Variants in CTNND2 observed in about 807,000 individuals in gnomAD.
The protein encoded by CTNND2 is catenin delta-2.
Under a neutral mutation model 144.4 loss-of-function variants are expected in CTNND2, and 22 were observed. The observed-to-expected ratio is 0.15, with a 90% CI of 0.11 to 0.22. CTNND2 has a LOEUF of 0.22. Among genes scored for constraint, CTNND2 ranks in the 10% least tolerant of loss-of-function variants. The pLI is 1.00. For missense variants in CTNND2, 1,353 were observed against 1,618.8 expected (o/e 0.84, Z 2.82); for synonymous variants, 751 against 695.6 (o/e 1.08, Z -1.25).
At chr5:11,380,926 C>G (rs1244606475) in intron 7 of CTNND2, among the ~76,000 whole-genome samples, 1 of 152,192 alleles carries the variant, frequency 6.6e-6, no homozygotes, top group Admixed American at 6.5e-5. Context: ...TTGATTCTGA[C>G]AGATATCACC....
chr5:11,585,189 A>G (rs1455268441), intron 2 of CTNND2, among the ~76,000 whole-genome samples: 1 of 152,026 alleles, frequency 6.6e-6, no homozygotes, highest in Non-Finnish European at 1.5e-5. Context: ...ATCATATACC[A>G]TGCCATAGAA....
intron 2 of CTNND2, chr5:11,589,136 T>A: frequency 3.4e-6 from 2 of 586,764 alleles, no homozygotes; most frequent in Non-Finnish European, 4.3e-6. Context: ...AACAGTGAAT[T>A]TAGACCCCCA....
At chr5:11,686,961 T>C (rs560871317) in intron 2 of CTNND2, among the ~76,000 whole-genome samples, 29 of 151,774 alleles carry the variant, frequency 1.9e-4, no homozygotes, top group African/African-American at 6.8e-4. Context: ...GAAAATGGTA[T>C]TTTTCATTTC....
At chr5:11,203,845 T>C (rs1370175160) in intron 10 of CTNND2, among the ~76,000 whole-genome samples, 4 of 152,244 alleles carry the variant, frequency 2.6e-5, no homozygotes, top group African/African-American at 7.2e-5. Flanking sequence ...TTGAATTACA[T>C]ACGGGGAAAT....
intron 9 of CTNND2, among the ~76,000 whole-genome samples, chr5:11,270,559 T>C (rs996519682): frequency 1.3e-5 from 2 of 152,178 alleles, no homozygotes; most frequent in Non-Finnish European, 2.9e-5. Context: ...TCTGAATTAA[T>C]TTTTATTCAA....
intron 12 of CTNND2, among the ~76,000 whole-genome samples, chr5:11,127,645 C>T (rs1754813926): frequency 6.7e-6 from 1 of 149,528 alleles, no homozygotes; most frequent in Non-Finnish European, 1.5e-5. Flanking sequence ...TTCAATTCCC[C>T]CTTTTAGAAC....
intron 3 of CTNND2, among the ~76,000 whole-genome samples, chr5:11,428,685 T>C (rs947203160): frequency 3.9e-5 from 6 of 152,244 alleles, no homozygotes; most frequent in Admixed American, 6.5e-5. Flanking sequence ...GGATTTCCTC[T>C]TAATATTCTA....
intron 3 of CTNND2, among the ~76,000 whole-genome samples, chr5:11,463,167 C>A (rs1766368812): frequency 6.6e-6 from 1 of 152,164 alleles, no homozygotes; most frequent in African/African-American, 2.4e-5. Flanking sequence ...AATAAGCCTA[C>A]TTTTGGTATA....
intron 8 of CTNND2, among the ~76,000 whole-genome samples, chr5:11,356,447 G>A (rs1755889143): frequency 6.6e-6 from 1 of 151,722 alleles, no homozygotes; most frequent in Non-Finnish European, 1.5e-5. Context: ...TTACACTGGG[G>A]AAAAGATGGT....
At chr5:11,509,518 G>A (rs1771428839) in intron 3 of CTNND2, among the ~76,000 whole-genome samples, 1 of 152,166 alleles carries the variant, frequency 6.6e-6, no homozygotes, top group Admixed American at 6.5e-5. Context: ...GAGGGTTAAA[G>A]AGCGGATCAC....
chr5:11,210,872 C>T (rs1738556784), intron 10 of CTNND2, among the ~76,000 whole-genome samples: 1 of 152,118 alleles, frequency 6.6e-6, no homozygotes, highest in Non-Finnish European at 1.5e-5. Flanking sequence ...TGAGATGGGC[C>T]ATGGTCCCTG....
At chr5:11,404,725 C>A (rs2149827752) in intron 5 of CTNND2, among the ~76,000 whole-genome samples, 1 of 140,702 alleles carries the variant, frequency 7.1e-6, no homozygotes, top group East Asian at 2.4e-4. Flanking sequence ...TCAAGCGATT[C>A]TCCTGCCTCA....
intron 3 of CTNND2, among the ~76,000 whole-genome samples, chr5:11,518,182 T>A (rs150629953): frequency 2.3e-4 from 35 of 152,332 alleles, no homozygotes; most frequent in African/African-American, 8.4e-4. Context: ...AGTGATATCA[T>A]CTTGTTGATG....
intron 13 of CTNND2, among the ~76,000 whole-genome samples, chr5:11,113,896 G>A (rs1328022619): frequency 6.6e-6 from 1 of 152,156 alleles, no homozygotes; most frequent in Non-Finnish European, 1.5e-5. Flanking sequence ...ATTACCGAGG[G>A]CATGAAAACT....
chr5:11,889,943 G>C (rs951662622), intron 1 of CTNND2, among the ~76,000 whole-genome samples: 6 of 151,998 alleles, frequency 3.9e-5, no homozygotes, highest in African/African-American at 1.5e-4. Flanking sequence ...TTTTCTTTTA[G>C]TTGACAATAT....
At chr5:11,506,925 A>C (rs765208561) in intron 3 of CTNND2, among the ~76,000 whole-genome samples, 1 of 152,208 alleles carries the variant, frequency 6.6e-6, no homozygotes, top group Non-Finnish European at 1.5e-5. Context: ...TGCGACTGGT[A>C]ATCAATTTCT....
At chr5:11,320,709 G>A (rs1018790486) in intron 9 of CTNND2, among the ~76,000 whole-genome samples, 2 of 152,144 alleles carry the variant, frequency 1.3e-5, no homozygotes, top group Non-Finnish European at 2.9e-5. Flanking sequence ...TCACTATCAT[G>A]AGAACAGCAT....
At chr5:11,804,116 T>C (rs6878675) in intron 1 of CTNND2, among the ~76,000 whole-genome samples, 131,347 of 152,090 alleles carry the variant, frequency 0.86, 58,949 homozygotes, top group Non-Finnish European at 0.99. Context: ...TGGTTTCTGT[T>C]TAACAGTATA....
At chr5:11,442,848 T>C (rs1348510481) in intron 3 of CTNND2, among the ~76,000 whole-genome samples, 1 of 145,450 alleles carries the variant, frequency 6.9e-6, no homozygotes, top group Non-Finnish European at 1.5e-5. Flanking sequence ...TTTTATATAA[T>C]ATAATGATTA....
Sources: gnomAD v4.1 joint callset for allele counts (sites outside exome capture counted in the v4.1 genomes callset) on GRCh38, gnomAD v4.1.1 for gene constraint, MANE v1.5 for transcripts, NCBI Gene and HGNC (gene_info 2026-07-23, HGNC 2026-07-21) for gene names.